The following SNTG1 variants were observed in gnomAD, a reference collection of about 807,000 sequenced individuals.
The protein encoded by SNTG1 is syntrophin gamma 1.
A neutral mutation model predicts 74.7 loss-of-function variants in SNTG1; 39 were observed. The ratio of observed to expected loss-of-function variants is 0.52; its 90% confidence interval spans 0.40 to 0.68. SNTG1 has a LOEUF of 0.68. Ranked by LOEUF, SNTG1 falls within the 30% of genes least tolerant of loss-of-function variation. The pLI is 0.00. For synonymous variants in SNTG1, 254 were observed against 217.1 expected (o/e 1.17, Z -1.49); for missense variants, 685 against 609.5 (o/e 1.12, Z -1.30).
At chr8:50,136,009 T>G (rs1563643137) in intron 1 of SNTG1, among the ~76,000 whole-genome samples, 2 of 152,188 alleles carry the variant, frequency 1.3e-5, no homozygotes, top group Admixed American at 6.5e-5. Context: ...TTGTATTTGG[T>G]TTCCTGCCCC....
chr8:50,199,985 A>G (rs1333492421), intron 2 of SNTG1, among the ~76,000 whole-genome samples: 1 of 146,050 alleles, frequency 6.8e-6, no homozygotes, highest in African/African-American at 2.5e-5. Context: ...AGCTATTTGT[A>G]TCATTCCCCC....
chr8:50,672,168 C>T (rs890297249), intron 15 of SNTG1, among the ~76,000 whole-genome samples: 2 of 151,308 alleles, frequency 1.3e-5, no homozygotes, highest in Non-Finnish European at 1.5e-5. Context: ...ACATTGTGCA[C>T]ATGTACCCTA....
chr8:49,998,965 A>C (rs960143543), intron 1 of SNTG1, among the ~76,000 whole-genome samples: 2 of 152,198 alleles, frequency 1.3e-5, no homozygotes, highest in Non-Finnish European at 2.9e-5. Flanking sequence ...CACAGTCTAT[A>C]AAATGGATTT....
rs2095123825 is a variant in SNTG1 at position 50,648,380 on chromosome 8, A to G, written c.850-8529A>G. 2.0e-5 allele frequency among the ~76,000 whole-genome samples: 3 copies of G among 152,148 alleles called. No homozygotes were observed. In the South Asian group the frequency reaches 6.2e-4, roughly 31 times the overall value. ...CATATTCTTTTTTGTGATTATGTAC[A>G]CCACCGCATTCTTTTTTTTCTTTCT... On this transcript the variant is annotated intron_variant, in intron 13 of 18. Transcript: ENST00000642720.
intron 2 of SNTG1, among the ~76,000 whole-genome samples, chr8:50,359,416 C>T (rs111255825): frequency 4.7e-4 from 71 of 152,274 alleles, no homozygotes; most frequent in African/African-American, 1.6e-3. Flanking sequence ...CATTGTAAAC[C>T]GCTGGCATTT....
intron 2 of SNTG1, among the ~76,000 whole-genome samples, chr8:50,288,238 C>T (rs1342199368): frequency 6.6e-6 from 1 of 152,140 alleles, no homozygotes; most frequent in Non-Finnish European, 1.5e-5. Context: ...AGATTGCACA[C>T]ATCTACAACT....
intron 11 of SNTG1, among the ~76,000 whole-genome samples, chr8:50,548,269 G>A (rs948872318): frequency 2.0e-5 from 3 of 152,164 alleles, no homozygotes; most frequent in Admixed American, 2.0e-4. Context: ...CGTAATTTGT[G>A]TGGATGAACA....
At chr8:50,583,409 A>G (rs944001365) in intron 12 of SNTG1, among the ~76,000 whole-genome samples, 40 of 151,792 alleles carry the variant, frequency 2.6e-4, no homozygotes, top group Non-Finnish European at 5.7e-4. Flanking sequence ...AAAAAAAAAA[A>G]AAAAAGAAAG....
chr8:49,914,345 A>G (rs1359741291), intron 1 of SNTG1, among the ~76,000 whole-genome samples: 2 of 143,294 alleles, frequency 1.4e-5, no homozygotes, highest in African/African-American at 2.5e-5. Flanking sequence ...TACCAAACAC[A>G]CTATCTTTTC....
intron 2 of SNTG1, among the ~76,000 whole-genome samples, chr8:50,185,458 A>C (rs890224118): frequency 1.3e-5 from 2 of 152,180 alleles, no homozygotes; most frequent in Non-Finnish European, 2.9e-5. Flanking sequence ...ATGTTGTGTT[A>C]AAAGTTGTCC....
chr8:49,943,794 A>G (rs1808911237), intron 1 of SNTG1, among the ~76,000 whole-genome samples: 1 of 152,206 alleles, frequency 6.6e-6, no homozygotes, highest in South Asian at 2.1e-4. Context: ...TTATATCACA[A>G]TGTATTGTAT....
intron 1 of SNTG1, among the ~76,000 whole-genome samples, chr8:50,138,399 A>G (rs764392639): frequency 7.9e-5 from 12 of 151,846 alleles, no homozygotes; most frequent in Admixed American, 2.0e-4. Context: ...GGGTGGGTCA[A>G]CCGAGGTCAG....
At position 50,439,159 on chromosome 8, in the gene SNTG1, A is replaced by G. The variant is rs571516849; in HGVS notation, c.219+560A>G. Among the ~76,000 whole-genome samples, 9 of 152,230 alleles carry G rather than the reference A, an allele frequency of 5.9e-5. No homozygotes were observed. In the South Asian group the frequency reaches 1.7e-3, roughly 28 times the overall value. On this transcript the variant is annotated intron_variant, in intron 5 of 18. Transcript: ENST00000642720. The stretch of plus-strand genomic sequence containing the variant: ...CAAATTTTAAAGGCCTTTATTTTGT[A>G]TATTATTGACTATTAGAGATGTACC...
At chr8:49,923,401 T>C (rs1256029337) in intron 1 of SNTG1, among the ~76,000 whole-genome samples, 1 of 152,140 alleles carries the variant, frequency 6.6e-6, no homozygotes, top group Non-Finnish European at 1.5e-5. Flanking sequence ...TTTACATTAT[T>C]TTTATAAGCA....
chr8:49,929,919 A>G (rs933352254), intron 1 of SNTG1, among the ~76,000 whole-genome samples: 11 of 126,700 alleles, frequency 8.7e-5, no homozygotes, highest in Non-Finnish European at 1.6e-4. Context: ...TCCTGTGTCC[A>G]TGTGATCTCA....
intron 1 of SNTG1, among the ~76,000 whole-genome samples, chr8:50,077,533 T>C (rs1215918077): frequency 6.6e-6 from 1 of 152,214 alleles, no homozygotes; most frequent in African/African-American, 2.4e-5. Flanking sequence ...GAGATATATA[T>C]AGTCAATATT....
At chr8:50,556,672 T>C (rs1219722134) in intron 12 of SNTG1, among the ~76,000 whole-genome samples, 1 of 152,178 alleles carries the variant, frequency 6.6e-6, no homozygotes, top group Non-Finnish European at 1.5e-5. Context: ...AATAAGTAAA[T>C]ATATTTGGCA....
chr8:50,332,517 G>A (rs1780816515), intron 2 of SNTG1, among the ~76,000 whole-genome samples: 1 of 151,814 alleles, frequency 6.6e-6, no homozygotes, highest in South Asian at 2.1e-4. Flanking sequence ...AAGTTTGTTT[G>A]GGAAATAAAA....
At chr8:50,472,443 A>T (rs2093660969) in intron 8 of SNTG1, among the ~76,000 whole-genome samples, 1 of 152,190 alleles carries the variant, frequency 6.6e-6, no homozygotes. Flanking sequence ...TTTTCAACAA[A>T]TGGTGTTGGG....
Sources: allele counts gnomAD v4.1 joint callset (sites outside exome capture counted in the v4.1 genomes callset), GRCh38; gene constraint gnomAD v4.1.1; transcripts MANE v1.5; gene names NCBI Gene and HGNC (gene_info 2026-07-23, HGNC 2026-07-21).